The following AHCYL2 variants were observed in gnomAD, a reference collection of about 807,000 sequenced individuals.
AHCYL2 encodes the protein S-adenosylhomocysteine hydrolase-like protein 2.
AHCYL2 carries 28 observed loss-of-function variants against 81.4 expected under a neutral mutation model. The ratio of observed to expected loss-of-function variants is 0.34; its 90% CI spans 0.25 to 0.47. AHCYL2 has a LOEUF of 0.47. AHCYL2 is among the 20% of genes least tolerant of loss of function. AHCYL2 has a pLI of 1.00. For missense variants in AHCYL2, 551 were observed against 785.1 expected (o/e 0.70, Z 3.56); for synonymous variants, 272 against 290.2 (o/e 0.94, Z 0.64).
At chr7:129,284,747 T>C (rs1283679649) in intron 1 of AHCYL2, among the ~76,000 whole-genome samples, 1 of 152,172 alleles carries the variant, frequency 6.6e-6, no homozygotes, top group African/African-American at 2.4e-5. Flanking sequence ...TTCTCCTCTA[T>C]GTTCAGTATG....
intron 1 of AHCYL2, among the ~76,000 whole-genome samples, chr7:129,298,733 T>C (rs1330972505): frequency 6.6e-6 from 1 of 152,260 alleles, no homozygotes; most frequent in Admixed American, 6.5e-5. Context: ...AAGTGATTTG[T>C]CTATTTTATG....
intron 2 of AHCYL2, among the ~76,000 whole-genome samples, chr7:129,385,195 T>C (rs1240184650): frequency 6.6e-6 from 1 of 152,242 alleles, no homozygotes; most frequent in African/African-American, 2.4e-5. Context: ...TTTGTGTTTG[T>C]ATTTGGGATG....
intron 1 of AHCYL2, among the ~76,000 whole-genome samples, chr7:129,359,345 A>G (rs1415550819): frequency 6.6e-6 from 1 of 152,188 alleles, no homozygotes; most frequent in Non-Finnish European, 1.5e-5. Flanking sequence ...GGGAGGAGTG[A>G]GGGTAACAAC....
At chr7:129,387,488 T>A (rs923211969) in intron 2 of AHCYL2, among the ~76,000 whole-genome samples, 3 of 152,194 alleles carry the variant, frequency 2.0e-5, no homozygotes, top group African/African-American at 7.2e-5. Context: ...AGCATAAAAA[T>A]CATCATGACT....
chr7:129,381,057 C>G (rs1213775672), intron 2 of AHCYL2, among the ~76,000 whole-genome samples: 2 of 152,128 alleles, frequency 1.3e-5, no homozygotes, highest in African/African-American at 2.4e-5. Context: ...TCTTATTCTG[C>G]TGAAATAAGC....
At chr7:129,238,401 C>T (rs910818014) in intron 1 of AHCYL2, among the ~76,000 whole-genome samples, 1 of 152,114 alleles carries the variant, frequency 6.6e-6, no homozygotes, top group Non-Finnish European at 1.5e-5. Flanking sequence ...TGGATATTTG[C>T]CTAATAATCT....
intron 11 of AHCYL2, among the ~76,000 whole-genome samples, chr7:129,411,696 T>C (rs1584900008): frequency 6.6e-6 from 1 of 151,382 alleles, no homozygotes; most frequent in African/African-American, 2.4e-5. Context: ...AAGGTGGAGG[T>C]TGCAGTGAGC....
At chr7:129,267,014 A>G (rs935631651) in intron 1 of AHCYL2, among the ~76,000 whole-genome samples, 3 of 152,176 alleles carry the variant, frequency 2.0e-5, no homozygotes, top group African/African-American at 7.2e-5. Context: ...GTAAATTATG[A>G]TACATTCATA....
Position 129,419,830 on chromosome 7 carries a change from G to C in AHCYL2, c.1462-3010G>C, listed in dbSNP as rs1454805549. Among the ~76,000 whole-genome samples the C allele has an allele frequency of 6.6e-6, 1 of 152,100 alleles. No homozygotes were observed. Among genetic ancestry groups the C allele is most frequent in the Middle Eastern group, 3.2e-3 (1 of 314 alleles). ...ATGAGTGGCCAGTTTATGGTGGGAT[G>C]TACACCTGGTTTGGGAAGGTAGTCT... On this transcript the variant is annotated intron_variant, in intron 12 of 16. Transcript: ENST00000325006. This position sits in a 1 kb window ranked among gnomAD's most constrained non-coding sequence, Gnocchi z 4.7.
At chr7:129,340,461 C>CGGAGGCTGAGGCA (rs1563203139) in intron 1 of AHCYL2, among the ~76,000 whole-genome samples, 1 of 150,392 alleles carries the variant, frequency 6.6e-6, no homozygotes, top group East Asian at 2.0e-4. Context: ...CCAGCTACTC[C>CGGAGGCTGAGGCA]GGAGGCTGAG....
intron 1 of AHCYL2, among the ~76,000 whole-genome samples, chr7:129,272,733 A>G (rs368592726): frequency 1.3e-5 from 2 of 152,158 alleles, no homozygotes; most frequent in East Asian, 3.8e-4. Flanking sequence ...AAAAAATGTT[A>G]CCTAGTTTTT....
At chr7:129,386,624 G>C (rs570586201) in intron 2 of AHCYL2, among the ~76,000 whole-genome samples, 4 of 152,222 alleles carry the variant, frequency 2.6e-5, no homozygotes, top group African/African-American at 9.6e-5. Flanking sequence ...TCTTTGAGTT[G>C]GTGTGGGGAA....
intron 1 of AHCYL2, among the ~76,000 whole-genome samples, chr7:129,343,930 G>A (rs948696528): frequency 2.0e-5 from 3 of 152,156 alleles, no homozygotes; most frequent in Middle Eastern, 6.8e-3. Context: ...TCATATAAAG[G>A]AATCTAAAAC....
intron 5 of AHCYL2, 107 bp downstream of exon 5, chr7:129,397,431 TG>T: frequency 9.4e-7 from 1 of 1,060,186 alleles, no homozygotes; most frequent in Non-Finnish European, 1.4e-6. Context: ...AGAACTATCT[TG>T]GAAGAAATGG....
chr7:129,271,369 A>G (rs1230590564), intron 1 of AHCYL2, among the ~76,000 whole-genome samples: 1 of 151,882 alleles, frequency 6.6e-6, no homozygotes, highest in Non-Finnish European at 1.5e-5. Flanking sequence ...CAAAAAAAAA[A>G]AAAAAAAAAA....
Position 129,426,680 on chromosome 7 carries a change from A to G in AHCYL2, c.1829+117A>G. On this transcript the variant is annotated intron_variant, in intron 16 of 16. Transcript: ENST00000325006. This position sits in a 1 kb window ranked among gnomAD's most constrained non-coding sequence, Gnocchi z 4.3. ...TACATGAACTCAGAAAAATGAACCC[A>G]CTTCCCCTCACTGCCACCTTCAAAA... is the stretch of plus-strand genomic sequence containing the variant. 6 of 1,350,602 alleles carry G rather than the reference A, an allele frequency of 4.4e-6. No homozygotes were observed. The highest frequency in any genetic ancestry group is 5.9e-6 in the Non-Finnish European group (6 of 1,008,686). The allele number at this position is 1,350,602 out of a possible 1,614,324, so 83.7% of individuals were successfully genotyped here. A position where few individuals can be genotyped will look rare whatever the true frequency, so the allele number is the denominator to read the frequency against.
chr7:129,235,272 A>G (rs930305507), intron 1 of AHCYL2, among the ~76,000 whole-genome samples: 3 of 144,432 alleles, frequency 2.1e-5, no homozygotes, highest in Admixed American at 1.4e-4. Context: ...TTTTTTTTTG[A>G]GGCAGATCTC....
intron 1 of AHCYL2, among the ~76,000 whole-genome samples, chr7:129,266,690 G>A (rs1201535798): frequency 1.3e-5 from 2 of 152,168 alleles, no homozygotes; most frequent in Admixed American, 6.5e-5. Flanking sequence ...TACTGAGCTA[G>A]ATACTGAGGG....
chr7:129,346,067 T>C (rs1793351733), intron 1 of AHCYL2, among the ~76,000 whole-genome samples: 5 of 152,174 alleles, frequency 3.3e-5, no homozygotes, highest in Admixed American at 3.3e-4. Flanking sequence ...GAAAAGATTA[T>C]CAGAGAGGAT....
Sources: gnomAD v4.1 joint callset for allele counts (sites outside exome capture counted in the v4.1 genomes callset) on GRCh38, gnomAD v4.1.1 for gene constraint, Gnocchi (gnomAD v3.1) non-coding constraint, MANE v1.5 for transcripts, NCBI Gene and HGNC (gene_info 2026-07-23, HGNC 2026-07-21) for gene names.